Variants in DPP10 observed in about 807,000 individuals in gnomAD.
DPP10 encodes the protein dipeptidyl peptidase like 10, also known as inactive dipeptidyl peptidase 10.
Under a neutral mutation model 120.9 loss-of-function variants are expected in DPP10, and 33 were observed. The observed-to-expected ratio is 0.27, with a 90% CI of 0.21 to 0.37. The LOEUF (loss-of-function observed/expected upper bound fraction) is 0.37. Ranked by LOEUF, DPP10 falls within the 10% of genes least tolerant of loss-of-function variation. DPP10 has a pLI of 1.00. For missense variants in DPP10, 816 were observed against 942.8 expected, an observed-to-expected ratio of 0.87 and a Z score of 1.76; for synonymous variants, 337 against 326.1, an observed-to-expected ratio of 1.03 and a Z score of -0.36.
chr2:115,827,447 T>TATATATATATAA (rs1388130768), intron 21 of DPP10, among the ~76,000 whole-genome samples: 1 of 126,842 alleles, frequency 7.9e-6, no homozygotes, highest in African/African-American at 2.9e-5. Flanking sequence ...TATATATATA[T>TATATATATATAA]GCTCTACAGT....
At chr2:114,737,958 C>T (rs570478323) in intron 1 of DPP10, among the ~76,000 whole-genome samples, 77 of 152,130 alleles carry the variant, frequency 5.1e-4, no homozygotes, top group Non-Finnish European at 8.4e-4. Flanking sequence ...AATGCGTTCA[C>T]GGTTCTGCAG....
At chr2:115,577,722 G>A (rs966112739) in intron 5 of DPP10, among the ~76,000 whole-genome samples, 2 of 151,984 alleles carry the variant, frequency 1.3e-5, no homozygotes, top group African/African-American at 2.4e-5. Flanking sequence ...CCTTTCTCTC[G>A]GGCTTGTAGA....
chr2:115,408,137 T>C (rs2068667931), intron 3 of DPP10, among the ~76,000 whole-genome samples: 2 of 152,064 alleles, frequency 1.3e-5, no homozygotes, highest in African/African-American at 4.8e-5. Context: ...TTCAACCATG[T>C]TCACAAGGGG....
chr2:114,725,848 CT>C (rs1225469074), intron 1 of DPP10, among the ~76,000 whole-genome samples: 1 of 152,214 alleles, frequency 6.6e-6, no homozygotes, highest in Non-Finnish European at 1.5e-5. Context: ...GTATATTACA[CT>C]TCCCTGCATC....
intron 1 of DPP10, among the ~76,000 whole-genome samples, chr2:114,891,090 G>C (rs1692505248): frequency 6.6e-6 from 1 of 151,928 alleles, no homozygotes; most frequent in East Asian, 1.9e-4. Context: ...TGGTAAAAGA[G>C]ACTGAGAGAA....
intron 17 of DPP10, among the ~76,000 whole-genome samples, chr2:115,783,892 T>A (rs1683050897): frequency 6.6e-6 from 1 of 152,150 alleles, no homozygotes; most frequent in Non-Finnish European, 1.5e-5. Context: ...ACAAATGTGT[T>A]TGCAGTGAAG....
chr2:115,391,889 G>A (rs2067342282), intron 3 of DPP10, among the ~76,000 whole-genome samples: 1 of 152,070 alleles, frequency 6.6e-6, no homozygotes, highest in Non-Finnish European at 1.5e-5. Context: ...AGTGTAAGTA[G>A]ATCTTGGGGA....
At chr2:114,516,419 G>C (rs796140444) in intron 1 of DPP10, among the ~76,000 whole-genome samples, 11 of 152,288 alleles carry the variant, frequency 7.2e-5, no homozygotes, top group African/African-American at 2.6e-4. Context: ...AGACTCTGCT[G>C]TTTTCTGTTT....
rs138218023 is a variant in DPP10, at chr2:115,389,948, C to T, written c.271+46036C>T. The stretch of plus-strand genomic sequence containing the variant: ...GAAACTGAGTTATTACGTTAAGGCT[C>T]ATTGATATTTTATTCCTCATAGGCA... On this transcript the variant is annotated intron_variant, in intron 3 of 25. Coordinates refer to ENST00000410059, the MANE Select transcript of DPP10 (RefSeq NM_020868.6). Among the ~76,000 whole-genome samples, 49 of 152,214 alleles carry T rather than the reference C, an allele frequency of 3.2e-4. 1 individual carries two copies. Among genetic ancestry groups the T allele is most frequent in the Middle Eastern group, 3.4e-3 (1 of 294 alleles).
chr2:115,081,068 T>TC (rs1271158960), intron 1 of DPP10, among the ~76,000 whole-genome samples: 1 of 152,196 alleles, frequency 6.6e-6, no homozygotes, highest in East Asian at 1.9e-4. Flanking sequence ...AGTCTTTTTT[T>TC]CCCCCAGCAG....
intron 3 of DPP10, among the ~76,000 whole-genome samples, chr2:115,353,260 G>A (rs1035637610): frequency 1.3e-5 from 2 of 152,228 alleles, no homozygotes; most frequent in African/African-American, 2.4e-5. Context: ...ATTGTTGGGA[G>A]AACAAGGATG....
chr2:115,636,351 G>A (rs949268297), intron 5 of DPP10, among the ~76,000 whole-genome samples: 7 of 152,108 alleles, frequency 4.6e-5, no homozygotes, highest in Non-Finnish European at 1.0e-4. Flanking sequence ...ATGACAGACC[G>A]AAAAGATATA....
At chr2:114,929,001 A>G (rs1227099843) in intron 1 of DPP10, among the ~76,000 whole-genome samples, 1 of 152,170 alleles carries the variant, frequency 6.6e-6, no homozygotes, top group African/African-American at 2.4e-5. Flanking sequence ...CTGGTCTGAG[A>G]AATAAAGAGA....
At chr2:115,835,007 A>C (rs542510882) in intron 21 of DPP10, among the ~76,000 whole-genome samples, 29 of 150,160 alleles carry the variant, frequency 1.9e-4, no homozygotes, top group African/African-American at 7.0e-4. Context: ...AATGGCGTGA[A>C]CCCGGGGGGC....
chr2:114,685,932 A>G (rs963173371), intron 1 of DPP10, among the ~76,000 whole-genome samples: 1 of 152,056 alleles, frequency 6.6e-6, no homozygotes, highest in Non-Finnish European at 1.5e-5. Flanking sequence ...AATATAGCCT[A>G]TTTATCCCTT....
intron 1 of DPP10, among the ~76,000 whole-genome samples, chr2:114,970,976 C>T (rs1699352188): frequency 6.6e-6 from 1 of 152,108 alleles, no homozygotes; most frequent in Non-Finnish European, 1.5e-5. Context: ...TTTAGAGGGT[C>T]ATTAGTAAGG....
At chr2:115,181,096 C>G (rs1170797572) in intron 1 of DPP10, among the ~76,000 whole-genome samples, 7 of 133,664 alleles carry the variant, frequency 5.2e-5, no homozygotes, top group African/African-American at 1.8e-4. Context: ...AACACTAAGA[C>G]CTTGCAAGGT....
intron 3 of DPP10, among the ~76,000 whole-genome samples, chr2:115,489,438 C>T (rs2075975595): frequency 6.6e-6 from 1 of 151,924 alleles, no homozygotes; most frequent in Non-Finnish European, 1.5e-5. Context: ...GAACCCTCTT[C>T]TTTATATCTC....
intron 10 of DPP10, among the ~76,000 whole-genome samples, chr2:115,748,571 G>A (rs905209786): frequency 9.9e-5 from 15 of 152,048 alleles, no homozygotes; most frequent in Non-Finnish European, 2.1e-4. Flanking sequence ...CCTCCACACT[G>A]GAGAACAACA....
Sources: gnomAD v4.1 joint callset for allele counts (sites outside exome capture counted in the v4.1 genomes callset) on GRCh38, gnomAD v4.1.1 for gene constraint, MANE v1.5 for transcripts, NCBI Gene and HGNC (gene_info 2026-07-23, HGNC 2026-07-21) for gene names.